Variants in NSUN3 observed in about 807,000 individuals in gnomAD.
The protein encoded by NSUN3 is tRNA (cytosine(34)-C(5))-methyltransferase, mitochondrial.
In NSUN3, 24 loss-of-function variants were observed where a neutral mutation model predicts 36.8. That is an observed-to-expected ratio of 0.65 (90% CI 0.47 to 0.92). The LOEUF (loss-of-function observed/expected upper bound fraction) is 0.92. Ranked by LOEUF, NSUN3 falls within the 40% of genes least tolerant of loss-of-function variation. NSUN3 has a pLI of 0.00. For missense variants in NSUN3, 381 were observed against 392.8 expected, an observed-to-expected ratio of 0.97 and a Z score of 0.25; for synonymous variants, 146 against 145.2, an observed-to-expected ratio of 1.01 and a Z score of -0.04.
chr3:94,108,278 A>G (rs1197843545), intron 5 of NSUN3, among the ~76,000 whole-genome samples: 2 of 152,192 alleles, frequency 1.3e-5, no homozygotes, highest in African/African-American at 4.8e-5. Context: ...AGTTTCAATT[A>G]AATATATTTT....
chr3:94,089,998 A>G (rs980148815), intron 3 of NSUN3, among the ~76,000 whole-genome samples: 1 of 152,168 alleles, frequency 6.6e-6, no homozygotes, highest in African/African-American at 2.4e-5. Context: ...AACATAGAAA[A>G]TGATCATAAA....
At chr3:94,091,898 C>T (rs1460823665) in intron 3 of NSUN3, among the ~76,000 whole-genome samples, 1 of 152,190 alleles carries the variant, frequency 6.6e-6, no homozygotes, top group Non-Finnish European at 1.5e-5. Flanking sequence ...TCCCTCACCT[C>T]GTGGCTGGAG....
At chr3:94,085,500 T>G (rs2077288452) in intron 3 of NSUN3, 1 of 152,354 alleles carries the variant, frequency 6.6e-6, no homozygotes, top group African/African-American at 2.4e-5. Context: ...CTCGTGCCTG[T>G]AATCCCAGCA....
chr3:94,122,145 C>T (rs1272949987), intron 5 of NSUN3, among the ~76,000 whole-genome samples: 2 of 148,638 alleles, frequency 1.3e-5, no homozygotes, highest in African/African-American at 5.0e-5. Context: ...GACTCATCCC[C>T]CCACCTAAAA....
At position 94,084,246 on chromosome 3, in the gene NSUN3, T is replaced by A. The variant is rs2077283041; in HGVS notation, c.262T>A (p.Ser88Thr). The change falls in exon 3 of 6, where the codon TCA becomes ACA. Residue 88 changes from serine to threonine, a missense_variant. Physicochemically the swap from Ser to Thr is moderately conservative, Grantham distance 58. Transcript: ENST00000314622. ...SQGSLPNYPK[S>T]VKCYLSRTPG... is the part of the protein sequence containing the mutation. The stretch of plus-strand genomic sequence containing the variant: ...GGGATCTTTACCCAACTATCCTAAA[T>A]CAGTGAAGTGTTACCTTAGCAGAAC... 6.2e-7 allele frequency: 1 copy of A among 1,613,980 alleles called. No homozygotes were observed.
intron 3 of NSUN3, among the ~76,000 whole-genome samples, chr3:94,088,921 G>A (rs1322496302): frequency 2.0e-5 from 3 of 152,010 alleles, no homozygotes; most frequent in African/African-American, 4.8e-5. Flanking sequence ...CACCGGCCTC[G>A]GCCTCCCAAA....
intron 2 of NSUN3, among the ~76,000 whole-genome samples, chr3:94,080,436 T>C (rs1304987540): frequency 6.6e-6 from 1 of 152,194 alleles, no homozygotes; most frequent in Non-Finnish European, 1.5e-5. Context: ...GCTCAGACAC[T>C]GTGCTGGGAG....
chr3:94,065,212 C>T (rs1000038209), intron 2 of NSUN3, among the ~76,000 whole-genome samples: 1 of 152,006 alleles, frequency 6.6e-6, no homozygotes, highest in African/African-American at 2.4e-5. Context: ...GTTTACATGC[C>T]GTCTAGTTAG....
chr3:94,104,952 A>G lies in NSUN3; in HGVS notation c.743+9798A>G, dbSNP rs536978980. Among the ~76,000 whole-genome samples, 7 of 152,350 alleles carry G rather than the reference A, an allele frequency of 4.6e-5. No homozygotes were observed. In the East Asian group the frequency reaches 9.6e-4, roughly 21 times the overall value. On this transcript the variant is annotated intron_variant, in intron 5 of 5. Coordinates refer to ENST00000314622, the MANE Select transcript of NSUN3 (RefSeq NM_022072.5). Reference sequence around the variant, plus strand: ...CCACGGATGTTAACAAGAGTTTAACATCTTTTTTTCTTAATAATTTGAAAA... The same window carrying G: ...CCACGGATGTTAACAAGAGTTTAACGTCTTTTTTTCTTAATAATTTGAAAA...
intron 5 of NSUN3, among the ~76,000 whole-genome samples, chr3:94,124,414 A>G (rs1242211848): frequency 6.6e-6 from 1 of 152,112 alleles, no homozygotes; most frequent in African/African-American, 2.4e-5. Context: ...GGCGTGAGCC[A>G]CCGCACCTGC....
At chr3:94,079,393 C>T (rs545785838) in intron 2 of NSUN3, among the ~76,000 whole-genome samples, 1 of 152,236 alleles carries the variant, frequency 6.6e-6, no homozygotes, top group Admixed American at 6.5e-5. Flanking sequence ...GGTAATCTGA[C>T]AATTATGTGC....
intron 5 of NSUN3, among the ~76,000 whole-genome samples, chr3:94,120,333 A>C (rs2077456130): frequency 6.6e-6 from 1 of 152,208 alleles, no homozygotes; most frequent in Non-Finnish European, 1.5e-5. Flanking sequence ...AATAGTGTTA[A>C]GTACATTCAC....
At chr3:94,116,685 A>G (rs2077441332) in intron 5 of NSUN3, among the ~76,000 whole-genome samples, 1 of 152,224 alleles carries the variant, frequency 6.6e-6, no homozygotes, top group African/African-American at 2.4e-5. Context: ...GATATTGTAT[A>G]TAGTTTTACA....
In NSUN3 at chr3:94,128,700, G is replaced by A. The variant is rs559402319; in HGVS notation, c.*2210G>A. 5.9e-5 allele frequency among the ~76,000 whole-genome samples: 9 copies of A among 151,862 alleles called. No homozygotes were observed. The South Asian group carries it at 8.3e-4, about 14-fold the overall frequency. On this transcript the variant is annotated 3_prime_UTR_variant, in exon 6 of 6. Coordinates refer to ENST00000314622, the MANE Select transcript of NSUN3 (RefSeq NM_022072.5). ...CACAGCAAACTAAACTATCAACAGAGTAGCAGACAACTTACAGGATGGGAG... is the reference window on the plus strand; with the variant it reads ...CACAGCAAACTAAACTATCAACAGAATAGCAGACAACTTACAGGATGGGAG...
intron 2 of NSUN3, among the ~76,000 whole-genome samples, chr3:94,073,867 C>A (rs1051037176): frequency 3.3e-5 from 5 of 152,164 alleles, no homozygotes; most frequent in Non-Finnish European, 5.9e-5. Context: ...GACATGAAGT[C>A]TTTGCCCATG....
At chr3:94,110,271 A>C (rs1365193871) in intron 5 of NSUN3, among the ~76,000 whole-genome samples, 1 of 152,056 alleles carries the variant, frequency 6.6e-6, no homozygotes, top group East Asian at 1.9e-4. Flanking sequence ...GTTATCAGTG[A>C]TAACTTTCAG....
At chr3:94,108,011 C>G (rs2077397761) in intron 5 of NSUN3, among the ~76,000 whole-genome samples, 1 of 119,852 alleles carries the variant, frequency 8.3e-6, no homozygotes, top group South Asian at 2.6e-4. Context: ...CCTCTGGCCT[C>G]TATCATTTCC....
rs1262586915 is a variant in NSUN3, at chr3:94,128,693, C to G, written c.*2203C>G. 1 of 151,642 alleles carries G rather than the reference C, an allele frequency of 6.6e-6. No homozygotes were observed. Among genetic ancestry groups the G allele is most frequent in the Non-Finnish European group, 1.5e-5 (1 of 67,956 alleles). 9.4% of individuals were successfully genotyped at this position (151,642 alleles called of 1,614,324 possible). A position where few individuals can be genotyped will look rare whatever the true frequency, so the allele number is the denominator to read the frequency against. On this transcript the variant is annotated 3_prime_UTR_variant, in exon 6 of 6. Transcript: ENST00000314622. ...GCTTCTGCACAGCAAACTAAACTAT[C>G]AACAGAGTAGCAGACAACTTACAGG...
Position 94,126,720 on chromosome 3 carries a change from T to C in NSUN3, c.*230T>C, listed in dbSNP as rs1242622558. 7.0e-6 allele frequency: 3 copies of C among 431,472 alleles called. No homozygotes were observed. Among genetic ancestry groups the C allele is most frequent in the Non-Finnish European group, 1.2e-5 (3 of 243,526 alleles). The allele number at this position is 431,472 out of a possible 1,614,324, so 26.7% of individuals were successfully genotyped here. A position where few individuals can be genotyped will look rare whatever the true frequency, so the allele number is the denominator to read the frequency against. On this transcript the variant is annotated 3_prime_UTR_variant, in exon 6 of 6. Coordinates refer to ENST00000314622, the MANE Select transcript of NSUN3 (RefSeq NM_022072.5). ...GGTGGTGCAGATGGTGTTTGTTCTA[T>C]ATTATAAATCTGCTGTCTTTGCTTG... is the stretch of plus-strand genomic sequence containing the variant.
Sources: allele counts gnomAD v4.1 joint callset (sites outside exome capture counted in the v4.1 genomes callset), GRCh38; gene constraint gnomAD v4.1.1; transcripts MANE v1.5; gene names NCBI Gene and HGNC (gene_info 2026-07-23, HGNC 2026-07-21).